Variants in ZDHHC15 observed in about 807,000 individuals in gnomAD.
ZDHHC15 encodes zDHHC palmitoyltransferase 15, also known as palmitoyltransferase ZDHHC15.
A neutral mutation model predicts 31.7 loss-of-function variants in ZDHHC15; 19 were observed. That is an observed-to-expected ratio of 0.60 (90% CI 0.42 to 0.88). ZDHHC15 has a LOEUF of 0.88. Among genes scored for constraint, ZDHHC15 ranks in the 40% least tolerant of loss-of-function variants. The pLI is 0.00. For missense variants in ZDHHC15, 209 were observed against 251.2 expected, an observed-to-expected ratio of 0.83 and a Z score of 1.14; for synonymous variants, 103 against 90.0, an observed-to-expected ratio of 1.14 and a Z score of -0.82.
At chrX:75,514,805 A>C (rs1326703000) in intron 1 of ZDHHC15, among the ~76,000 whole-genome samples, 1 of 111,752 alleles carries the variant, frequency 8.9e-6, no homozygotes, top group African/African-American at 3.3e-5. Context: ...CAGCAGTCCG[A>C]GATAGAATTG....
At chrX:75,455,463 G>A (rs2084202753) in intron 3 of ZDHHC15, among the ~76,000 whole-genome samples, 1 of 111,690 alleles carries the variant, frequency 9.0e-6, no homozygotes, top group African/African-American at 3.3e-5. Context: ...CATGGGCAAG[G>A]ACTTCGTGAC....
intron 10 of ZDHHC15, among the ~76,000 whole-genome samples, chrX:75,395,914 A>T (rs950073278): frequency 3.6e-5 from 4 of 112,347 alleles, no homozygotes; most frequent in African/African-American, 1.3e-4. Context: ...CTCTTCAACA[A>T]ATGGTGCTGG....
intron 10 of ZDHHC15, among the ~76,000 whole-genome samples, chrX:75,402,892 T>C (rs1188720201): frequency 9.0e-6 from 1 of 110,720 alleles, no homozygotes; most frequent in Non-Finnish European, 1.9e-5. Flanking sequence ...GCCAGCATTA[T>C]CTTGATACCA....
At chrX:75,418,185 T>A (rs1391493447) in intron 9 of ZDHHC15, among the ~76,000 whole-genome samples, 3 of 111,849 alleles carry the variant, frequency 2.7e-5, no homozygotes, top group Non-Finnish European at 5.6e-5. Flanking sequence ...CTGACATAGT[T>A]TTGCCTTGTG....
At chrX:75,493,853 T>C (rs966570743) in intron 2 of ZDHHC15, among the ~76,000 whole-genome samples, 2 of 111,597 alleles carry the variant, frequency 1.8e-5, no homozygotes, top group African/African-American at 3.3e-5. Flanking sequence ...ACTGGAAGCA[T>C]TCCCTTTGAA....
chrX:75,424,178 TG>T (rs1264470319), intron 8 of ZDHHC15, among the ~76,000 whole-genome samples: 9 of 111,396 alleles, frequency 8.1e-5, no homozygotes, highest in African/African-American at 2.9e-4. Flanking sequence ...TTTTTTTTTT[TG>T]TTTCTCAAGA....
intron 10 of ZDHHC15, among the ~76,000 whole-genome samples, chrX:75,389,414 C>T (rs376708084): frequency 1.3e-4 from 14 of 109,567 alleles, no homozygotes; most frequent in South Asian, 8.1e-4. Context: ...CCTCCCACAA[C>T]GTCAGGCAGT....
At chrX:75,378,994 A>T in intron 11 of ZDHHC15, 126 bp downstream of exon 11, 2 of 505,042 alleles carry the variant, frequency 4.0e-6, no homozygotes, top group East Asian at 3.7e-5. Context: ...TGCATGCATT[A>T]CAAGAGTGAA....
At position 75,421,076 on chromosome X, in the gene ZDHHC15, G is replaced by A. The variant is rs369833025; in HGVS notation, c.863+788C>T. On this transcript the variant is annotated intron_variant, in intron 9 of 11. Transcript: ENST00000373367. The stretch of plus-strand genomic sequence containing the variant: ...TGGAGAAAATATAAATAATTTCTAA[G>A]ACTATTGCCCTTACCATTTTTAACA... 4.3e-4 allele frequency among the ~76,000 whole-genome samples: 46 copies of A among 107,698 alleles called. 1 individual carries two copies. The East Asian group carries it at 0.011, about 26-fold the overall frequency. The allele number at this position is 107,698 out of a possible 115,157, so 93.5% of individuals were successfully genotyped here.
At chrX:75,416,300 C>T (rs896776605) in intron 10 of ZDHHC15, among the ~76,000 whole-genome samples, 1 of 111,787 alleles carries the variant, frequency 8.9e-6, no homozygotes, top group Non-Finnish European at 1.9e-5. Flanking sequence ...CTTCATTTAG[C>T]CTCCTTCACC....
At chrX:75,415,065 C>T (rs1247432177) in intron 10 of ZDHHC15, among the ~76,000 whole-genome samples, 2 of 110,919 alleles carry the variant, frequency 1.8e-5, no homozygotes, top group South Asian at 3.8e-4. Flanking sequence ...TGAGCTACAG[C>T]GCCCGGCCAT....
chrX:75,423,493 A>T (rs2083674532), intron 8 of ZDHHC15, among the ~76,000 whole-genome samples: 1 of 104,803 alleles, frequency 9.5e-6, no homozygotes, highest in African/African-American at 3.5e-5. Context: ...AATGGCTTCA[A>T]GCTTCATTTG....
chrX:75,509,065 C>A (rs1430821564), intron 1 of ZDHHC15, among the ~76,000 whole-genome samples: 2 of 110,849 alleles, frequency 1.8e-5, no homozygotes, highest in African/African-American at 6.5e-5. Context: ...ACCATAAAAA[C>A]CCTAGAATAA....
intron 2 of ZDHHC15, among the ~76,000 whole-genome samples, chrX:75,485,304 A>G (rs1342304991): frequency 9.0e-6 from 1 of 111,374 alleles, no homozygotes; most frequent in Non-Finnish European, 1.9e-5. Context: ...TGGCAAAAAA[A>G]AGATGACACA....
chrX:75,434,604 C>G (rs908521986), intron 4 of ZDHHC15, among the ~76,000 whole-genome samples: 1 of 111,633 alleles, frequency 9.0e-6, no homozygotes, highest in African/African-American at 3.3e-5. Context: ...GTGTCTTTCC[C>G]CACTTTATGT....
At chrX:75,409,795 T>TAAA (rs1189768393) in intron 10 of ZDHHC15, among the ~76,000 whole-genome samples, 28 of 35,458 alleles carry the variant, frequency 7.9e-4, no homozygotes, top group African/African-American at 3.3e-3. Context: ...ACCCCATCTC[T>TAAA]AAAAAAAAAA....
chrX:75,396,899 C>T (rs751664335), intron 10 of ZDHHC15, among the ~76,000 whole-genome samples: 42 of 111,762 alleles, frequency 3.8e-4, no homozygotes, highest in Middle Eastern at 4.7e-3. Flanking sequence ...GAAAGACAAA[C>T]GTCACATGTT....
At chrX:75,378,185 C>T (rs1050306764) in intron 11 of ZDHHC15, among the ~76,000 whole-genome samples, 2 of 110,977 alleles carry the variant, frequency 1.8e-5, no homozygotes, top group Non-Finnish European at 3.8e-5. Flanking sequence ...ACCTGAGTTA[C>T]AACCCTAGGT....
chrX:75,458,811 C>T (rs898837520), intron 3 of ZDHHC15, among the ~76,000 whole-genome samples: 1 of 109,138 alleles, frequency 9.2e-6, no homozygotes, highest in Non-Finnish European at 1.9e-5. Flanking sequence ...GCCTAGATGG[C>T]TGATTAGAAG....
Sources: allele counts gnomAD v4.1 joint callset (sites outside exome capture counted in the v4.1 genomes callset), GRCh38; gene constraint gnomAD v4.1.1; transcripts MANE v1.5; gene names NCBI Gene and HGNC (gene_info 2026-07-23, HGNC 2026-07-21).